GLYATL1: variants seen among roughly 807,000 people sequenced by gnomAD.
GLYATL1 encodes glycine N-acyltransferase-like protein 1.
GLYATL1 carries 15 observed loss-of-function variants against 20.0 expected under a neutral mutation model. That is an observed-to-expected ratio of 0.75 (90% CI 0.50 to 1.15). The LOEUF is 1.15. Among genes scored for constraint, GLYATL1 ranks in the 50% most tolerant of loss-of-function variants. The probability of loss-of-function intolerance (pLI) is 0.00; values close to 1 mark genes in which losing one functional copy is unlikely to be tolerated. For synonymous variants in GLYATL1, 151 were observed against 131.5 expected (o/e 1.15, Z -1.01); for missense variants, 380 against 368.5 (o/e 1.03, Z -0.26).
exon 2 of GLYATL1, chr11:58,907,928 G>GGGGACTAGAAAAATCTAGTCTA (rs1565115393): frequency 1.3e-5 from 2 of 153,026 alleles, no homozygotes; most frequent in Non-Finnish European, 2.9e-5. Flanking sequence ...TTTTCTAGTC[G>GGGGACTAGAAAAATCTAGTCTA]GATTTTGGGG....
upstream of GLYATL1, among the ~76,000 whole-genome samples, chr11:58,923,851 T>C (rs1247373965): frequency 6.6e-6 from 1 of 152,254 alleles, no homozygotes; most frequent in Non-Finnish European, 1.5e-5. Flanking sequence ...CAGAGTTTTC[T>C]ACATAGATTA....
chr11:58,909,306 A>G (rs565655554), downstream of GLYATL1, among the ~76,000 whole-genome samples: 1 of 152,214 alleles, frequency 6.6e-6, no homozygotes, highest in African/African-American at 2.4e-5. Context: ...ATAAGTTCTC[A>G]AGATCTGTAC....
chr11:58,947,915 G>GGGT lies in GLYATL1; in HGVS notation c.136_137insGGT (p.Val46delinsGlyLeu), dbSNP rs755136065. 63 of 1,613,940 alleles carry GGGT rather than the reference G, an allele frequency of 3.9e-5. No homozygotes were observed. The highest frequency in any genetic ancestry group is 5.3e-5 in the Non-Finnish European group (62 of 1,179,992). On this transcript the variant is annotated protein_altering_variant, in exon 4 of 7. Coordinates refer to ENST00000532726, the MANE Select transcript of GLYATL1 (RefSeq NM_001389712.2). ...GAACCCCTTCAACATGGAGGTGCTG[G>GGGT]TGGATTCCTGGCCTGAATATCAGAT...
chr11:58,905,719 GA>G, intron 1 of GLYATL1: 1 of 395,518 alleles, frequency 2.5e-6, no homozygotes, highest in Non-Finnish European at 5.1e-6. Flanking sequence ...CTGGGACCGG[GA>G]TGGGTCATCT....
chr11:58,923,495 TCATCTGCAATG>T (rs969632545), upstream of GLYATL1, among the ~76,000 whole-genome samples: 2 of 152,230 alleles, frequency 1.3e-5, no homozygotes, highest in African/African-American at 4.8e-5. Flanking sequence ...TTTCCCTTTT[TCATCTGCAATG>T]CAGTGGAAAG....
intron 1 of GLYATL1, among the ~76,000 whole-genome samples, chr11:58,942,128 G>C (rs1223432710): frequency 1.3e-5 from 2 of 152,290 alleles, no homozygotes; most frequent in Non-Finnish European, 2.9e-5. Context: ...TCCTACAGAG[G>C]AAATACAGAA....
chr11:58,911,024 G>T (rs530286630), downstream of GLYATL1, among the ~76,000 whole-genome samples: 2 of 152,184 alleles, frequency 1.3e-5, no homozygotes, highest in East Asian at 3.9e-4. Context: ...TAATCTCTTC[G>T]TTACTCTAGT....
chr11:58,952,760 C>G (rs1012304434), intron 4 of GLYATL1, among the ~76,000 whole-genome samples: 3 of 152,110 alleles, frequency 2.0e-5, no homozygotes, highest in African/African-American at 7.2e-5. Flanking sequence ...CATTTATGCC[C>G]ATGTGTGGTC....
At chr11:58,922,926 C>T (rs1855342616), upstream of GLYATL1, among the ~76,000 whole-genome samples, 1 of 152,206 alleles carries the variant, frequency 6.6e-6, no homozygotes, top group Admixed American at 6.5e-5. Flanking sequence ...TGCCTTCAGC[C>T]AGCCAGCCAA....
chr11:58,907,618 C>G, exon 2 of GLYATL1: 1 of 296,256 alleles, frequency 3.4e-6, no homozygotes, highest in South Asian at 3.3e-5. Flanking sequence ...GGATCTGTCT[C>G]TATTCACTGA....
downstream of GLYATL1, among the ~76,000 whole-genome samples, chr11:58,912,713 G>A (rs749269326): frequency 3.7e-4 from 57 of 152,174 alleles, no homozygotes; most frequent in Non-Finnish European, 4.3e-4. Flanking sequence ...GAAAACAGAG[G>A]GGAGGTATTT....
At chr11:58,929,836 C>T (rs1008396498) in intron 1 of GLYATL1, among the ~76,000 whole-genome samples, 1 of 152,198 alleles carries the variant, frequency 6.6e-6, no homozygotes, top group African/African-American at 2.4e-5. Flanking sequence ...TTTTCCTCAA[C>T]TCAGTTGCAA....
At chr11:58,931,860 A>G (rs1260896564) in intron 1 of GLYATL1, among the ~76,000 whole-genome samples, 14 of 152,116 alleles carry the variant, frequency 9.2e-5, no homozygotes. Context: ...AAAAATTTGC[A>G]AAACACTTTG....
At chr11:58,940,079 A>C (rs190263461) in intron 1 of GLYATL1, among the ~76,000 whole-genome samples, 1 of 152,288 alleles carries the variant, frequency 6.6e-6, no homozygotes, top group African/African-American at 2.4e-5. Flanking sequence ...CTTTTGTAAC[A>C]CTGTTTGACC....
intron 4 of GLYATL1, among the ~76,000 whole-genome samples, chr11:58,949,879 C>T (rs1191017905): frequency 6.6e-6 from 1 of 151,570 alleles, no homozygotes; most frequent in Non-Finnish European, 1.5e-5. Flanking sequence ...TTTTTAATCA[C>T]AAAGATAATC....
At chr11:58,955,101 G>A (rs1050569315) in intron 5 of GLYATL1, 75 bp from the exon 6 acceptor site, 4 of 1,392,972 alleles carry the variant, frequency 2.9e-6, no homozygotes, top group Non-Finnish European at 4.0e-6. Context: ...AAGCACTGAG[G>A]TATTAATCAG....
rs759442609 is a variant in GLYATL1, at chr11:58,943,529, T to A, written c.-166-14T>A. On this transcript the variant is annotated splice_polypyrimidine_tract_variant and intron_variant, in intron 1 of 6. Transcript: ENST00000532726. ...CCTTTAAGTTTAATTCAGCTGAAGT[T>A]TTTCTTTTATCAGATGGTGTCACAA... 4.4e-6 allele frequency: 7 copies of A among 1,600,086 alleles called. No homozygotes were observed. Among genetic ancestry groups the A allele is most frequent in the Non-Finnish European group, 5.1e-6 (6 of 1,173,300 alleles).
At chr11:58,941,094 G>T (rs1011157669) in intron 1 of GLYATL1, among the ~76,000 whole-genome samples, 4 of 151,726 alleles carry the variant, frequency 2.6e-5, no homozygotes, top group East Asian at 1.9e-4. Flanking sequence ...CAATGTGCAG[G>T]TTAGTTACAT....
At chr11:58,942,393 G>T (rs550956890) in intron 1 of GLYATL1, 3 of 152,298 alleles carry the variant, frequency 2.0e-5, no homozygotes, top group East Asian at 1.9e-4. Context: ...GGCTGTCAAT[G>T]TCTCTGCTCA....
Sources: allele counts gnomAD v4.1 joint callset (sites outside exome capture counted in the v4.1 genomes callset), GRCh38; gene constraint gnomAD v4.1.1; transcripts MANE v1.5; gene names NCBI Gene and HGNC (gene_info 2026-07-23, HGNC 2026-07-21).